Variants in NLGN1 observed in about 807,000 individuals in gnomAD.
NLGN1 encodes the protein neuroligin-1.
A neutral mutation model predicts 65.5 loss-of-function variants in NLGN1; 12 were observed. The ratio of observed to expected loss-of-function variants is 0.18; its 90% confidence interval spans 0.12 to 0.30. NLGN1 has a LOEUF of 0.30. Among genes scored for constraint, NLGN1 ranks in the 10% least tolerant of loss-of-function variants. NLGN1 has a pLI of 1.00. For missense variants in NLGN1, 750 were observed against 1,007.1 expected, an observed-to-expected ratio of 0.74 and a Z score of 3.46; for synonymous variants, 350 against 359.5, an observed-to-expected ratio of 0.97 and a Z score of 0.30.
intron 3 of NLGN1, among the ~76,000 whole-genome samples, chr3:173,640,217 A>G (rs529573905): frequency 1.3e-5 from 2 of 152,298 alleles, no homozygotes; most frequent in Admixed American, 6.5e-5. Context: ...ATGATCAGAT[A>G]GACTCTAAAG....
chr3:174,228,568 G>A (rs185637103), intron 4 of NLGN1, among the ~76,000 whole-genome samples: 243 of 152,142 alleles, frequency 1.6e-3, no homozygotes, highest in African/African-American at 5.8e-3. Flanking sequence ...AGATATAGAC[G>A]CTATTCAGCA....
chr3:173,616,585 G>A (rs1176121840), intron 3 of NLGN1, among the ~76,000 whole-genome samples: 1 of 152,058 alleles, frequency 6.6e-6, no homozygotes, highest in Non-Finnish European at 1.5e-5. Context: ...CAACCCTCCC[G>A]ACATGAGGAG....
At chr3:173,975,198 A>G (rs1717162296) in intron 4 of NLGN1, among the ~76,000 whole-genome samples, 2 of 152,000 alleles carry the variant, frequency 1.3e-5, no homozygotes. Context: ...TGGGCTAAGT[A>G]CAATCTAGTT....
chr3:174,203,119 C>T (rs964928475), intron 4 of NLGN1, among the ~76,000 whole-genome samples: 5 of 152,154 alleles, frequency 3.3e-5, no homozygotes, highest in Non-Finnish European at 7.3e-5. Flanking sequence ...GCTCTCTCCT[C>T]CTATGATTAT....
chr3:173,663,605 C>T (rs980542839), intron 3 of NLGN1, among the ~76,000 whole-genome samples: 6 of 152,024 alleles, frequency 3.9e-5, no homozygotes, highest in Admixed American at 1.3e-4. Context: ...AGAGAAGCTC[C>T]TAAAGATATT....
At chr3:173,919,834 AAG>A (rs1741599837) in intron 4 of NLGN1, among the ~76,000 whole-genome samples, 1 of 152,124 alleles carries the variant, frequency 6.6e-6, no homozygotes, top group Non-Finnish European at 1.5e-5. Flanking sequence ...TGCTATAGAG[AAG>A]ACTCATTTTT....
intron 3 of NLGN1, among the ~76,000 whole-genome samples, chr3:173,731,069 G>C (rs917478360): frequency 2.0e-5 from 3 of 151,968 alleles, no homozygotes; most frequent in Non-Finnish European, 1.5e-5. Context: ...TATAATCTGT[G>C]ACTGTTTTCA....
intron 2 of NLGN1, among the ~76,000 whole-genome samples, chr3:173,450,893 G>C (rs1721375953): frequency 6.6e-6 from 1 of 152,152 alleles, no homozygotes; most frequent in Admixed American, 6.5e-5. Context: ...TAGTTCTCAT[G>C]CCATGGTTTT....
intron 4 of NLGN1, among the ~76,000 whole-genome samples, chr3:173,809,350 A>G (rs191436428): frequency 6.6e-6 from 1 of 152,224 alleles, no homozygotes; most frequent in Admixed American, 6.5e-5. Context: ...TTTTCATTGG[A>G]AGGAGGGTTT....
intron 2 of NLGN1, among the ~76,000 whole-genome samples, chr3:173,546,805 CA>C (rs1739928769): frequency 6.6e-6 from 1 of 152,104 alleles, no homozygotes; most frequent in South Asian, 2.1e-4. Context: ...CAGTGTCCAC[CA>C]ATGTTCTATA....
chr3:173,975,867 A>G (rs7653011), intron 4 of NLGN1, among the ~76,000 whole-genome samples: 3,229 of 152,094 alleles, frequency 0.021, 105 homozygotes, highest in African/African-American at 0.074. Context: ...TCTTTCCACT[A>G]GAAACGAAGT....
intron 4 of NLGN1, among the ~76,000 whole-genome samples, chr3:174,097,238 T>C (rs1315318662): frequency 6.6e-6 from 1 of 152,196 alleles, no homozygotes; most frequent in Non-Finnish European, 1.5e-5. Context: ...TTCATTTTTA[T>C]AACTATTCAA....
intron 3 of NLGN1, among the ~76,000 whole-genome samples, chr3:173,681,392 C>T (rs1188077769): frequency 2.0e-5 from 3 of 152,142 alleles, no homozygotes; most frequent in East Asian, 3.9e-4. Flanking sequence ...ACTGATGCTT[C>T]CTTGCTGTCA....
intron 3 of NLGN1, among the ~76,000 whole-genome samples, chr3:173,755,121 A>C (rs1052053273): frequency 8.5e-5 from 13 of 152,098 alleles, no homozygotes; most frequent in African/African-American, 2.9e-4. Context: ...ATCAGGAAAA[A>C]TTTTGGGTAC....
intron 1 of NLGN1, among the ~76,000 whole-genome samples, chr3:173,429,144 T>G (rs1716725728): frequency 6.6e-6 from 1 of 152,226 alleles, no homozygotes. Flanking sequence ...TTTGCTCTGT[T>G]GAGGCTATCC....
intron 4 of NLGN1, among the ~76,000 whole-genome samples, chr3:173,989,215 A>G (rs546854390): frequency 2.0e-5 from 3 of 152,274 alleles, no homozygotes; most frequent in African/African-American, 4.8e-5. Flanking sequence ...TGACTTACAC[A>G]TTCCTTACCA....
chr3:173,557,888 C>G (rs1029952591), intron 2 of NLGN1, among the ~76,000 whole-genome samples: 1 of 152,108 alleles, frequency 6.6e-6, no homozygotes, highest in Non-Finnish European at 1.5e-5. Context: ...ATCAGTTCCT[C>G]TTGAAGAGCT....
At chr3:173,530,670 A>G (rs1175532703) in intron 2 of NLGN1, among the ~76,000 whole-genome samples, 1 of 152,112 alleles carries the variant, frequency 6.6e-6, no homozygotes, top group Admixed American at 6.5e-5. Flanking sequence ...TTGTTATTTA[A>G]AGTGTTAATC....
chr3:173,657,212 A>G (rs1760183022), intron 3 of NLGN1, among the ~76,000 whole-genome samples: 1 of 151,930 alleles, frequency 6.6e-6, no homozygotes, highest in African/African-American at 2.4e-5. Context: ...GGTCTCAGGG[A>G]ATCTGGAGAT....
Sources: allele counts gnomAD v4.1 joint callset (sites outside exome capture counted in the v4.1 genomes callset), GRCh38; gene constraint gnomAD v4.1.1; transcripts MANE v1.5; gene names NCBI Gene and HGNC (gene_info 2026-07-23, HGNC 2026-07-21).